Variants in FGD4 observed in about 807,000 individuals in gnomAD.
The protein encoded by FGD4 is FYVE, RhoGEF and PH domain-containing protein 4.
A neutral mutation model predicts 102.0 loss-of-function variants in FGD4; 42 were observed. That is an observed-to-expected ratio of 0.41 (90% CI 0.32 to 0.53). FGD4 has a LOEUF of 0.53. FGD4 is among the 20% of genes least tolerant of loss of function. FGD4 has a pLI of 0.21. For missense variants in FGD4, 902 were observed against 1,078.2 expected (o/e 0.84, Z 2.29); for synonymous variants, 380 against 375.7 (o/e 1.01, Z -0.13).
At chr12:32,525,863 C>T (rs1941107141) in intron 1 of FGD4, among the ~76,000 whole-genome samples, 1 of 152,222 alleles carries the variant, frequency 6.6e-6, no homozygotes, top group Non-Finnish European at 1.5e-5. Flanking sequence ...ACTGCTGGCC[C>T]ACCGGTGCTG....
intron 1 of FGD4, among the ~76,000 whole-genome samples, chr12:32,488,591 T>G (rs1372402580): frequency 1.3e-5 from 2 of 152,196 alleles, no homozygotes; most frequent in African/African-American, 4.8e-5. Flanking sequence ...CCTGATTTTT[T>G]TTGTTTAAAA....
At chr12:32,632,277 C>T (rs1351573334) in intron 14 of FGD4, among the ~76,000 whole-genome samples, 1 of 152,196 alleles carries the variant, frequency 6.6e-6, no homozygotes, top group Admixed American at 6.5e-5. Context: ...AAGACAGTCT[C>T]TCCTGGAGCT....
At chr12:32,561,612 T>G (rs939731088) in intron 1 of FGD4, among the ~76,000 whole-genome samples, 16 of 152,244 alleles carry the variant, frequency 1.1e-4, no homozygotes, top group African/African-American at 3.6e-4. Flanking sequence ...CATTCTTTGA[T>G]TCAATTATAC....
intron 4 of FGD4, 52 bp downstream of exon 4, chr12:32,582,519 T>G (rs370490844): frequency 6.3e-7 from 1 of 1,598,892 alleles, no homozygotes. Context: ...TATTCGATTG[T>G]TGTCTTAAAA....
chr12:32,557,517 T>C (rs1270151767), intron 1 of FGD4, among the ~76,000 whole-genome samples: 1 of 152,250 alleles, frequency 6.6e-6, no homozygotes, highest in African/African-American at 2.4e-5. Flanking sequence ...TTCTATAGTG[T>C]TATATTTACC....
In FGD4 at chr12:32,642,886, A is replaced by C. The variant is rs554705117; in HGVS notation, c.*2353A>C. 6.6e-6 allele frequency: 1 copy of C among 152,640 alleles called. No homozygotes were observed. The highest frequency in any genetic ancestry group is 2.1e-4 in the South Asian group (1 of 4,828). The allele number at this position is 152,640 out of a possible 1,614,324, so 9.5% of individuals were successfully genotyped here. ...CCATTTATTAAACAATTCAACCAAG[A>C]GACCTCAAAGTGTGATTGATGATAA... On this transcript the variant is annotated 3_prime_UTR_variant, in exon 17 of 17. Coordinates refer to ENST00000534526, the MANE Select transcript of FGD4 (RefSeq NM_001370298.3).
At chr12:32,492,399 G>A (rs1944129818) in intron 1 of FGD4, among the ~76,000 whole-genome samples, 1 of 152,150 alleles carries the variant, frequency 6.6e-6, no homozygotes, top group African/African-American at 2.4e-5. Context: ...ACAATATTCA[G>A]AAAAACCCTG....
chr12:32,584,028 A>G (rs1304321919), intron 4 of FGD4, among the ~76,000 whole-genome samples: 1 of 152,192 alleles, frequency 6.6e-6, no homozygotes, highest in Non-Finnish European at 1.5e-5. Flanking sequence ...TTCCCTTCAC[A>G]TATTATTATG....
At chr12:32,475,340 G>T (rs1289420521) in intron 1 of FGD4, among the ~76,000 whole-genome samples, 3 of 152,110 alleles carry the variant, frequency 2.0e-5, no homozygotes, top group African/African-American at 7.2e-5. Context: ...TGTCTTAGGG[G>T]TTCACAACAT....
intron 10 of FGD4, 32 bp downstream of exon 10, chr12:32,611,315 G>C: frequency 6.2e-7 from 1 of 1,612,816 alleles, no homozygotes; most frequent in Non-Finnish European, 8.5e-7. Context: ...AGTCATATAA[G>C]AATTATATAT....
intron 1 of FGD4, among the ~76,000 whole-genome samples, chr12:32,435,572 CTTATT>C (rs1942203726): frequency 6.6e-6 from 1 of 150,562 alleles, no homozygotes; most frequent in Non-Finnish European, 1.5e-5. Context: ...ATCATTCGAA[CTTATT>C]TTATTGATAC....
intron 1 of FGD4, among the ~76,000 whole-genome samples, chr12:32,557,450 T>A (rs1415434121): frequency 6.6e-6 from 1 of 152,226 alleles, no homozygotes; most frequent in African/African-American, 2.4e-5. Flanking sequence ...TTTAATAATG[T>A]CTTGGAGACC....
chr12:32,451,704 C>CA (rs970133697), intron 1 of FGD4, among the ~76,000 whole-genome samples: 3 of 151,522 alleles, frequency 2.0e-5, no homozygotes, highest in African/African-American at 4.9e-5. Flanking sequence ...GTCAGGAGTT[C>CA]AAGACCAGCC....
chr12:32,634,024 G>A (rs1375586992), intron 15 of FGD4, among the ~76,000 whole-genome samples: 1 of 152,158 alleles, frequency 6.6e-6, no homozygotes, highest in African/African-American at 2.4e-5. Flanking sequence ...TAGCTATGAG[G>A]AATACAAATA....
chr12:32,585,757 C>T (rs1946973047), intron 4 of FGD4, among the ~76,000 whole-genome samples: 1 of 146,980 alleles, frequency 6.8e-6, no homozygotes, highest in Admixed American at 6.9e-5. Flanking sequence ...TTGCTTGAAC[C>T]CAGAAGGTCG....
At chr12:32,440,962 T>C (rs1942415641) in intron 1 of FGD4, among the ~76,000 whole-genome samples, 1 of 152,216 alleles carries the variant, frequency 6.6e-6, no homozygotes, top group South Asian at 2.1e-4. Flanking sequence ...GCCAGACTAC[T>C]ACTGATGTTC....
chr12:32,579,855 T>C (rs573458613), intron 3 of FGD4, among the ~76,000 whole-genome samples: 2 of 152,328 alleles, frequency 1.3e-5, no homozygotes, highest in African/African-American at 4.8e-5. Flanking sequence ...CCTGTATCTT[T>C]TTTCCTCCCT....
intron 1 of FGD4, among the ~76,000 whole-genome samples, chr12:32,480,413 C>T (rs1213164424): frequency 1.3e-4 from 20 of 151,876 alleles, no homozygotes; most frequent in Admixed American, 7.9e-4. Context: ...CCGCCCACTT[C>T]GGCCTCCCAA....
intron 1 of FGD4, among the ~76,000 whole-genome samples, chr12:32,501,644 T>C (rs1682932589): frequency 6.6e-6 from 1 of 152,234 alleles, no homozygotes; most frequent in African/African-American, 2.4e-5. Flanking sequence ...ACAATTGATT[T>C]TTGAAAACTT....
Sources: gnomAD v4.1 joint callset for allele counts (sites outside exome capture counted in the v4.1 genomes callset) on GRCh38, gnomAD v4.1.1 for gene constraint, MANE v1.5 for transcripts, NCBI Gene and HGNC (gene_info 2026-07-23, HGNC 2026-07-21) for gene names.